The following DYNC1H1 variants were observed in gnomAD, a reference collection of about 807,000 sequenced individuals.
DYNC1H1 encodes the protein cytoplasmic dynein 1 heavy chain 1.
Under a neutral mutation model 527.1 loss-of-function variants are expected in DYNC1H1, and 51 were observed. The observed-to-expected ratio is 0.10, with a 90% CI of 0.08 to 0.12. DYNC1H1 has a LOEUF of 0.12. DYNC1H1 is among the 10% of genes least tolerant of loss of function. The pLI is 1.00. For synonymous variants in DYNC1H1, 2,189 were observed against 2,278.8 expected (o/e 0.96, Z 1.12); for missense variants, 2,771 against 5,971.8 (o/e 0.46, Z 17.66).
At position 102,015,229 on chromosome 14, in the gene DYNC1H1, C is replaced by T. The variant is rs1241731098; in HGVS notation, c.7139C>T (p.Ala2380Val). The change falls in exon 35 of 78, where the codon GCC becomes GTC. Residue 2380 changes from alanine (A) to valine (V), a missense_variant. This residue lies in a region of DYNC1H1 where 122 missense variants were observed against 168.4 expected (regional missense o/e 0.72). Transcript: ENST00000360184. This position sits in a 1 kb window ranked among gnomAD's most constrained non-coding sequence, Gnocchi z 6.9. The part of the protein sequence containing the change: ...STDMIFNNFL[A>V]RLRSIPLDEG... ...GACATGATCTTCAACAACTTCCTGG[C>T]CAGGCTGCGCAGCATCCCGCTGGAT... 1 of 1,614,098 alleles carries T rather than the reference C, an allele frequency of 6.2e-7. No individual in the cohort carries two copies. Among genetic ancestry groups the T allele is most frequent in the Non-Finnish European group, 8.5e-7 (1 of 1,180,052 alleles).
chr14:102,006,282 T>C (rs975330896), intron 27 of DYNC1H1, 112 bp downstream of exon 27: 4 of 1,479,624 alleles, frequency 2.7e-6, no homozygotes, highest in East Asian at 4.8e-5. Context: ...TCGCCCAGGC[T>C]GGAGCACAGT....
intron 7 of DYNC1H1, among the ~76,000 whole-genome samples, chr14:101,984,843 G>A (rs777540048): frequency 7.7e-5 from 11 of 142,500 alleles, no homozygotes; most frequent in Non-Finnish European, 1.5e-4. Flanking sequence ...TGAGGCAGGA[G>A]AATGGCGTGA....
chr14:102,035,362 A>T (rs1484682140), intron 56 of DYNC1H1: 2 of 152,302 alleles, frequency 1.3e-5, no homozygotes, highest in Non-Finnish European at 2.9e-5. Context: ...CTTAGGAAAG[A>T]CAGAATAAGA....
chr14:101,966,530 G>A (rs991475357), intron 1 of DYNC1H1, among the ~76,000 whole-genome samples: 7 of 151,568 alleles, frequency 4.6e-5, no homozygotes, highest in African/African-American at 1.7e-4. Flanking sequence ...TATAATCACT[G>A]TCAGCATTTT....
Position 102,044,814 on chromosome 14 carries a change from T to G in DYNC1H1, c.13006+116T>G. On this transcript the variant is annotated intron_variant, in intron 72 of 77. Transcript: ENST00000360184. This position sits in a 1 kb window ranked among gnomAD's most constrained non-coding sequence, Gnocchi z 7.1. ...AGTGTGCACTGCTGTCCCAGGGCCCTCCCTGGTTATGCTGGGTGTGGCTCT... is the reference window on the plus strand; with the variant it reads ...AGTGTGCACTGCTGTCCCAGGGCCCGCCCTGGTTATGCTGGGTGTGGCTCT... The G allele has an allele frequency of 2.4e-5, 28 of 1,185,424 alleles. No homozygotes were observed. The highest frequency in any genetic ancestry group is 3.2e-5 in the Non-Finnish European group (26 of 819,080). 73.4% of individuals were successfully genotyped at this position (1,185,424 alleles called of 1,614,324 possible).
rs540333117 is a variant in DYNC1H1 at position 102,012,501 on chromosome 14, A to G, written c.7014+31A>G. The stretch of plus-strand genomic sequence containing the variant: ...TAGCCTTTTGTATGTCGTCAACTGA[A>G]TAATTCCTTTTGGCCAACTAAACTT... On this transcript the variant is annotated intron_variant, in intron 34 of 77. Transcript: ENST00000360184. The surrounding 1 kb of genome is among the most constrained non-coding windows in gnomAD (Gnocchi z 4.9). The G allele has an allele frequency of 9.9e-6, 16 of 1,614,164 alleles. No homozygotes were observed. The highest frequency in any genetic ancestry group is 4.0e-5 in the African/African-American group (3 of 75,054).
chr14:102,002,430 A>C lies in DYNC1H1; in HGVS notation c.4543-107A>C, dbSNP rs148932461. The C allele has an allele frequency of 1.7e-3, 2,497 of 1,456,820 alleles. 3 individuals carry two copies. The highest frequency in any genetic ancestry group is 2.1e-3 in the Non-Finnish European group (2,205 of 1,041,990). 90.2% of individuals were successfully genotyped at this position (1,456,820 alleles called of 1,614,324 possible). A position where few individuals can be genotyped will look rare whatever the true frequency, so the allele number is the denominator to read the frequency against. On this transcript the variant is annotated intron_variant, in intron 21 of 77. Transcript: ENST00000360184. This position sits in a 1 kb window ranked among gnomAD's most constrained non-coding sequence, Gnocchi z 4.4. ...CCGTCTACTTGTTGTTTAAAATGTGAATCAGATTACTTCATGAGATCCTGA... is the reference window on the plus strand; with the variant it reads ...CCGTCTACTTGTTGTTTAAAATGTGCATCAGATTACTTCATGAGATCCTGA...
chr14:102,009,774 A>G (rs1320251774), intron 29 of DYNC1H1, 69 bp from the exon 30 acceptor site: 5 of 1,610,244 alleles, frequency 3.1e-6, no homozygotes, highest in Non-Finnish European at 4.2e-6. Flanking sequence ...TGTTTTAGAG[A>G]CATTTTAGAA....
At position 102,016,809 on chromosome 14, in the gene DYNC1H1, C is replaced by G; in HGVS notation, c.7658C>G (p.Pro2553Arg). The change falls in exon 38 of 78, where the codon CCT becomes CGT. Residue 2553 changes from proline (P) to arginine (R), a missense_variant. Pro to Arg is a moderately radical substitution (Grantham distance 103). Transcript: ENST00000360184. This position sits in a 1 kb window ranked among gnomAD's most constrained non-coding sequence, Gnocchi z 7.3. ...GEWSPWQAKV[P>R]QIEVETHKVA... ...TGGTCTCCGTGGCAGGCCAAGGTGC[C>G]TCAGATTGAAGTGGAGACGCACAAG... 1 of 1,613,934 alleles carries G rather than the reference C, an allele frequency of 6.2e-7. No homozygotes were observed. Among genetic ancestry groups the G allele is most frequent in the South Asian group, 1.1e-5 (1 of 91,078 alleles).
Position 101,964,796 on chromosome 14 carries a change from C to G in DYNC1H1, c.105C>G (p.Arg35=), listed in dbSNP as rs763730356. 6.2e-6 allele frequency: 10 copies of G among 1,603,194 alleles called. No homozygotes were observed. Among genetic ancestry groups the G allele is most frequent in the Non-Finnish European group, 8.5e-6 (10 of 1,176,712 alleles). Residue 35 remains arginine, a synonymous_variant, in exon 1 of 78, where the codon CGC becomes CGG. Coordinates refer to ENST00000360184, the MANE Select transcript of DYNC1H1 (RefSeq NM_001376.5). The surrounding 1 kb of genome is among the most constrained non-coding windows in gnomAD (Gnocchi z 5.5). ...TGTCGGTGCTGCAGAAGCACCTGCG[C>G]AAGCTGGTGCCGCTGCTGCTGGAGG... is the stretch of plus-strand genomic sequence containing the variant. ...ADVSVLQKHL[R]KLVPLLLEDG... is the part of the protein sequence containing the mutation.
At chr14:102,046,280 G>C (rs1218089966) in intron 72 of DYNC1H1, among the ~76,000 whole-genome samples, 2 of 152,194 alleles carry the variant, frequency 1.3e-5, no homozygotes, top group African/African-American at 4.8e-5. Context: ...ACTACACGTG[G>C]GGTTGACAGC....
rs2048368925 is a variant in DYNC1H1, at chr14:102,020,167, G to C, written c.8507+111G>C. 20 of 1,436,154 alleles carry C rather than the reference G, an allele frequency of 1.4e-5. No homozygotes were observed. Among genetic ancestry groups the C allele is most frequent in the Non-Finnish European group, 1.6e-5 (17 of 1,049,700 alleles). 89.0% of individuals were successfully genotyped at this position (1,436,154 alleles called of 1,614,324 possible). A position where few individuals can be genotyped will look rare whatever the true frequency, so the allele number is the denominator to read the frequency against. On this transcript the variant is annotated intron_variant, in intron 42 of 77. Transcript: ENST00000360184. The surrounding 1 kb of genome is among the most constrained non-coding windows in gnomAD (Gnocchi z 4.3). Reference sequence around the variant, plus strand: ...GGTCTGCCTAAGTTAGAGCCAGGTGGTGCCAGTGGTGGAAGGAGCAGAGTC... The same window carrying C: ...GGTCTGCCTAAGTTAGAGCCAGGTGCTGCCAGTGGTGGAAGGAGCAGAGTC...
rs913337168 is a variant in DYNC1H1, at chr14:102,033,824, T to G, written c.10414-152T>G. The G allele has an allele frequency of 3.3e-5, 27 of 807,780 alleles. No individual in the cohort carries two copies. In the African/African-American group the frequency reaches 4.2e-4, roughly 13 times the overall value. The allele number at this position is 807,780 out of a possible 1,614,324, so 50.0% of individuals were successfully genotyped here. A position where few individuals can be genotyped will look rare whatever the true frequency, so the allele number is the denominator to read the frequency against. On this transcript the variant is annotated intron_variant, in intron 54 of 77. Transcript: ENST00000360184. The surrounding 1 kb of genome is among the most constrained non-coding windows in gnomAD (Gnocchi z 5.6). ...GTGTGGTCATTAGTTATATATGATC[T>G]GGGTCTCATCTCCTCTGGGACTGTG...
Position 101,999,977 on chromosome 14 carries a change from G to A in DYNC1H1, c.3805-12G>A. 1 of 1,614,074 alleles carries A rather than the reference G, an allele frequency of 6.2e-7. No homozygotes were observed. Among genetic ancestry groups the A allele is most frequent in the Middle Eastern group, 1.7e-4 (1 of 6,060 alleles). Reference sequence around the variant, plus strand: ...ATTGTGCTCCAATTCTCTGTGCTCTGACTGCTTTCAGGGCAACCTTCGCCC... The same window carrying A: ...ATTGTGCTCCAATTCTCTGTGCTCTAACTGCTTTCAGGGCAACCTTCGCCC... On this transcript the variant is annotated splice_polypyrimidine_tract_variant and intron_variant, in intron 16 of 77. Transcript: ENST00000360184.
chr14:101,975,900 T>A lies in DYNC1H1; in HGVS notation c.344+101T>A. 6.1e-6 allele frequency: 6 copies of A among 981,406 alleles called. No individual in the cohort carries two copies. In the South Asian group the frequency reaches 9.0e-5, roughly 15 times the overall value. The allele number at this position is 981,406 out of a possible 1,614,324, so 60.8% of individuals were successfully genotyped here. Reference sequence around the variant, plus strand: ...ACTCAGAAATTCTTACTAAGAGAATTAATATAAATCTTTTTTTTTTTTTTG... The same window carrying A: ...ACTCAGAAATTCTTACTAAGAGAATAAATATAAATCTTTTTTTTTTTTTTG... On this transcript the variant is annotated intron_variant, in intron 2 of 77. Transcript: ENST00000360184.
chr14:101,972,194 TTCC>T (rs2047746816), intron 1 of DYNC1H1, among the ~76,000 whole-genome samples: 1 of 151,928 alleles, frequency 6.6e-6, no homozygotes, highest in African/African-American at 2.4e-5. Flanking sequence ...TCAAGTGTCC[TTCC>T]TCCTCTGGAC....
At chr14:102,046,321 GA>G (rs1431555629) in intron 72 of DYNC1H1, among the ~76,000 whole-genome samples, 1 of 152,184 alleles carries the variant, frequency 6.6e-6, no homozygotes, top group African/African-American at 2.4e-5. Context: ...TTTCTTATGG[GA>G]AAAAGTCACG....
In DYNC1H1 at chr14:101,979,890, A is replaced by T; in HGVS notation, c.690A>T (p.Thr230=). ...CYERGEKPKV[T]DFGDKVEDPT... ...AGCGTGGAGAAAAGCCAAAAGTTAC[A>T]GACTTTGGTGATAAGGTTGAAGACC... The change falls in exon 4 of 78, where the codon ACA becomes ACT. Residue 230 remains threonine (T), a synonymous_variant. Coordinates refer to ENST00000360184, the MANE Select transcript of DYNC1H1 (RefSeq NM_001376.5). The surrounding 1 kb of genome is among the most constrained non-coding windows in gnomAD (Gnocchi z 4.6). The T allele has an allele frequency of 6.2e-7, 1 of 1,614,262 alleles. No homozygotes were observed. The highest frequency in any genetic ancestry group is 8.5e-7 in the Non-Finnish European group (1 of 1,180,046).
chr14:101,997,695 C>T lies in DYNC1H1; in HGVS notation c.3804+421C>T, dbSNP rs939229277. 3.9e-5 allele frequency among the ~76,000 whole-genome samples: 6 copies of T among 152,148 alleles called. No individual in the cohort carries two copies. The highest frequency in any genetic ancestry group is 1.4e-4 in the African/African-American group (6 of 41,438). On this transcript the variant is annotated intron_variant, in intron 16 of 77. Coordinates refer to ENST00000360184, the MANE Select transcript of DYNC1H1 (RefSeq NM_001376.5). This position sits in a 1 kb window ranked among gnomAD's most constrained non-coding sequence, Gnocchi z 4.8. ...GTTCTGTTGTCTTCGTCATTGTAGCCATTTAAACCTTCCACCACCCAGAAA... is the reference window on the plus strand; with the variant it reads ...GTTCTGTTGTCTTCGTCATTGTAGCTATTTAAACCTTCCACCACCCAGAAA...
Sources: allele counts gnomAD v4.1 joint callset (sites outside exome capture counted in the v4.1 genomes callset), GRCh38; gene constraint gnomAD v4.1.1; regional missense constraint gnomAD v4.1.1; non-coding constraint Gnocchi (gnomAD v3.1); transcripts MANE v1.5; gene names NCBI Gene and HGNC (gene_info 2026-07-23, HGNC 2026-07-21).